RNF152: variants seen among roughly 807,000 people sequenced by gnomAD.
RNF152 encodes E3 ubiquitin-protein ligase RNF152.
Under a neutral mutation model 12.7 loss-of-function variants are expected in RNF152, and 11 were observed. That is an observed-to-expected ratio of 0.86 (90% CI 0.54 to 1.43). The LOEUF is 1.43. Ranked by LOEUF, RNF152 falls within the 40% of genes most tolerant of loss-of-function variation. The pLI is 0.00. For synonymous variants in RNF152, 113 were observed against 120.3 expected (o/e 0.94, Z 0.40); for missense variants, 255 against 274.8 (o/e 0.93, Z 0.51).
At chr18:61,873,336 T>C (rs531774875) in intron 1 of RNF152, among the ~76,000 whole-genome samples, 1 of 152,292 alleles carries the variant, frequency 6.6e-6, no homozygotes, top group East Asian at 1.9e-4. Flanking sequence ...GTCTCCTTTC[T>C]TTTTGTTTGT....
rs376820136 is a variant in RNF152 at position 61,867,996 on chromosome 18, C to T, written c.-136+24799G>A. ...CAATATATTAAATCAATTTTGCTCA[C>T]CTTCTTAGAACTTAACGAGCCTCCT... On this transcript the variant is annotated intron_variant, in intron 1 of 1. Transcript: ENST00000312828. Among the ~76,000 whole-genome samples, 6 of 152,274 alleles carry T rather than the reference C, an allele frequency of 3.9e-5. No individual in the cohort carries two copies. In the South Asian group the frequency reaches 1.2e-3, roughly 32 times the overall value.
At chr18:61,823,928 T>A (rs1277750759) in intron 1 of RNF152, among the ~76,000 whole-genome samples, 1 of 152,216 alleles carries the variant, frequency 6.6e-6, no homozygotes, top group East Asian at 1.9e-4. Flanking sequence ...CTAGGGCATG[T>A]GCCAATTCTG....
intron 1 of RNF152, among the ~76,000 whole-genome samples, chr18:61,857,786 C>G (rs1383659389): frequency 6.6e-6 from 1 of 152,164 alleles, no homozygotes; most frequent in East Asian, 1.9e-4. Context: ...CATCTTTCAG[C>G]CTCAGTCCTG....
chr18:61,860,427 A>G, intron 1 of RNF152, among the ~76,000 whole-genome samples: 1 of 152,232 alleles, frequency 6.6e-6, no homozygotes, highest in East Asian at 1.9e-4. Flanking sequence ...GTCCCATAAG[A>G]TTATAATGGA....
rs566039004 is a variant in RNF152 at position 61,889,722 on chromosome 18, C to T, written c.-136+3073G>A. ...CAAGGTTACCCTAAACACATTCCTG[C>T]CCCCTTCAGATCTTATCTGTTGCCC... On this transcript the variant is annotated intron_variant, in intron 1 of 1. Transcript: ENST00000312828. Among the ~76,000 whole-genome samples, 14 of 152,300 alleles carry T rather than the reference C, an allele frequency of 9.2e-5. 1 individual carries two copies. The South Asian group carries it at 1.0e-3, about 11-fold the overall frequency.
chr18:61,828,244 C>T lies in RNF152; in HGVS notation c.-135-11646G>A, dbSNP rs960480239. Among the ~76,000 whole-genome samples the T allele has an allele frequency of 5.8e-5, 8 of 138,376 alleles. 1 individual carries two copies. In the South Asian group the frequency reaches 9.1e-4, roughly 16 times the overall value. The allele number at this position is 138,376 out of a possible 152,430, so 90.8% of individuals were successfully genotyped here. Reference sequence around the variant, plus strand: ...GAATTTGAGTTTGCGTTTTTTCTTCCTTCCTTTCTTTTTTAAGAGACGGGG... The same window carrying T: ...GAATTTGAGTTTGCGTTTTTTCTTCTTTCCTTTCTTTTTTAAGAGACGGGG... On this transcript the variant is annotated intron_variant, in intron 1 of 1. Transcript: ENST00000312828.
chr18:61,879,266 C>T (rs1912348602), intron 1 of RNF152, among the ~76,000 whole-genome samples: 1 of 152,134 alleles, frequency 6.6e-6, no homozygotes, highest in South Asian at 2.1e-4. Context: ...ATTGTGTTTA[C>T]ATTTACATCA....
At chr18:61,819,225 C>A (rs1051352026) in intron 1 of RNF152, among the ~76,000 whole-genome samples, 1 of 152,208 alleles carries the variant, frequency 6.6e-6, no homozygotes, top group Non-Finnish European at 1.5e-5. Context: ...CTCAGAGAAC[C>A]TGCAAGCACT....
At chr18:61,885,816 A>G (rs1912666034) in intron 1 of RNF152, among the ~76,000 whole-genome samples, 1 of 152,076 alleles carries the variant, frequency 6.6e-6, no homozygotes, top group East Asian at 1.9e-4. Context: ...TTAATTATAA[A>G]CGCAGGTGGG....
intron 1 of RNF152, chr18:61,874,873 T>C (rs1912146074): frequency 1.3e-5 from 2 of 152,196 alleles, no homozygotes; most frequent in South Asian, 4.1e-4. Flanking sequence ...AGATGAAGTT[T>C]AGCTTTATTG....
intron 1 of RNF152, among the ~76,000 whole-genome samples, chr18:61,873,725 A>T (rs1362291423): frequency 6.6e-6 from 1 of 152,170 alleles, no homozygotes; most frequent in Non-Finnish European, 1.5e-5. Context: ...CACATAGTGA[A>T]CTCTAATTGT....
chr18:61,861,099 T>C (rs933037766), intron 1 of RNF152, among the ~76,000 whole-genome samples: 28 of 152,206 alleles, frequency 1.8e-4, no homozygotes, highest in Non-Finnish European at 4.0e-4. Flanking sequence ...AAGATTATTA[T>C]TGAAGAAAAC....
At chr18:61,873,415 G>T (rs1407005657) in intron 1 of RNF152, among the ~76,000 whole-genome samples, 1 of 152,134 alleles carries the variant, frequency 6.6e-6, no homozygotes, top group African/African-American at 2.4e-5. Flanking sequence ...TCGGCTCACC[G>T]CAACCTCTGC....
intron 1 of RNF152, among the ~76,000 whole-genome samples, chr18:61,848,213 C>T (rs1054012676): frequency 2.6e-5 from 4 of 152,092 alleles, no homozygotes; most frequent in Admixed American, 1.3e-4. Flanking sequence ...GCAGGAAGAG[C>T]GGGCTCTTAC....
intron 1 of RNF152, among the ~76,000 whole-genome samples, chr18:61,879,676 T>C (rs1329718270): frequency 6.6e-6 from 1 of 152,022 alleles, no homozygotes; most frequent in Admixed American, 6.5e-5. Flanking sequence ...AAAAACATTT[T>C]TTTGAGGCCA....
At chr18:61,891,872 C>T (rs534387895) in intron 1 of RNF152, among the ~76,000 whole-genome samples, 108 of 152,282 alleles carry the variant, frequency 7.1e-4, no homozygotes, top group Non-Finnish European at 1.2e-3. Flanking sequence ...AGACCAGGAG[C>T]CTTTGGCCCT....
At chr18:61,867,749 A>G (rs1415078720) in intron 1 of RNF152, among the ~76,000 whole-genome samples, 2 of 152,186 alleles carry the variant, frequency 1.3e-5, no homozygotes, top group Non-Finnish European at 2.9e-5. Flanking sequence ...AGATATTACC[A>G]GCAATGCAGC....
chr18:61,853,296 CTTT>C (rs35190141), intron 1 of RNF152, among the ~76,000 whole-genome samples: 1 of 127,490 alleles, frequency 7.8e-6, no homozygotes, highest in Non-Finnish European at 1.6e-5. Context: ...GTTCCTTGCC[CTTT>C]TTTTTTTTTT....
At chr18:61,820,538 G>A (rs1365449813) in intron 1 of RNF152, among the ~76,000 whole-genome samples, 3 of 151,862 alleles carry the variant, frequency 2.0e-5, no homozygotes, top group African/African-American at 4.8e-5. Flanking sequence ...CTGTGCCTGC[G>A]GGGAAGGATT....
Sources: allele counts gnomAD v4.1 joint callset (sites outside exome capture counted in the v4.1 genomes callset), GRCh38; gene constraint gnomAD v4.1.1; transcripts MANE v1.5; gene names NCBI Gene and HGNC (gene_info 2026-07-23, HGNC 2026-07-21).